The following TRAPPC10 variants were observed in gnomAD, a reference collection of about 807,000 sequenced individuals.
The protein encoded by TRAPPC10 is trafficking protein particle complex subunit 10.
TRAPPC10 carries 23 observed loss-of-function variants against 125.5 expected under a neutral mutation model. The observed-to-expected ratio is 0.18, with a 90% confidence interval of 0.13 to 0.26. The LOEUF is 0.26. Among genes scored for constraint, TRAPPC10 ranks in the 10% least tolerant of loss-of-function variants. TRAPPC10 has a pLI of 1.00. For synonymous variants in TRAPPC10, 509 were observed against 518.0 expected (o/e 0.98, Z 0.24); for missense variants, 1,123 against 1,308.4 (o/e 0.86, Z 2.19).
At position 44,087,629 on chromosome 21, in the gene TRAPPC10, C is replaced by T. The variant is rs2038232907; in HGVS notation, c.2540-70C>T. 7.0e-7 allele frequency: 1 copy of T among 1,425,586 alleles called. No individual in the cohort carries two copies. The highest frequency in any genetic ancestry group is 1.7e-5 in the Admixed American group (1 of 58,660). 88.3% of individuals were successfully genotyped at this position (1,425,586 alleles called of 1,614,324 possible). On this transcript the variant is annotated intron_variant, in intron 16 of 22. Coordinates refer to ENST00000291574, the MANE Select transcript of TRAPPC10 (RefSeq NM_003274.5). This position sits in a 1 kb window ranked among gnomAD's most constrained non-coding sequence, Gnocchi z 4.6. ...CAGTGGCCTCACTGCTGGGCCATCA[C>T]CTGCTGTAAGGAAAAGGACAAGTGA...
At chr21:44,068,680 A>G (rs1424307995) in intron 7 of TRAPPC10, among the ~76,000 whole-genome samples, 1 of 152,048 alleles carries the variant, frequency 6.6e-6, no homozygotes, top group African/African-American at 2.4e-5. Flanking sequence ...GGCTCATTGT[A>G]GCCTCCGCCT....
chr21:44,084,085 G>C, intron 14 of TRAPPC10, 37 bp from the exon 15 acceptor site: 1 of 1,612,356 alleles, frequency 6.2e-7, no homozygotes, highest in Non-Finnish European at 8.5e-7. Flanking sequence ...GCAAAACTGG[G>C]TGACGTGGTT....
At chr21:44,016,042 GTA>G (rs2147113025) in intron 1 of TRAPPC10, among the ~76,000 whole-genome samples, 1 of 152,218 alleles carries the variant, frequency 6.6e-6, no homozygotes, top group East Asian at 1.9e-4. Flanking sequence ...ACTGAAGAGT[GTA>G]TGTGAAATGT....
At chr21:44,028,109 T>C (rs1469387522) in intron 1 of TRAPPC10, among the ~76,000 whole-genome samples, 1 of 152,206 alleles carries the variant, frequency 6.6e-6, no homozygotes, top group Non-Finnish European at 1.5e-5. Flanking sequence ...GTGTTTCTTA[T>C]TTGCTTTGAA....
At chr21:44,054,919 T>G (rs916366128) in intron 4 of TRAPPC10, among the ~76,000 whole-genome samples, 3 of 152,134 alleles carry the variant, frequency 2.0e-5, no homozygotes, top group Non-Finnish European at 2.9e-5. Flanking sequence ...GTGGAAGGAA[T>G]GTTCTCATGA....
rs577569754 is a variant in TRAPPC10 at position 44,087,741 on chromosome 21, A to G, written c.2582A>G (p.Lys861Arg). 5.0e-6 allele frequency: 8 copies of G among 1,614,190 alleles called. No homozygotes were observed. In the East Asian group the frequency reaches 1.8e-4, roughly 36 times the overall value. Reference sequence around the variant, plus strand: ...GCGCTCCGGATTCAGTCCTCCGACAAGGTCACGAGCATCAGTCTGCCTGTT... The same window carrying G: ...GCGCTCCGGATTCAGTCCTCCGACAGGGTCACGAGCATCAGTCTGCCTGTT... ...EAALRIQSSD[K>R]VTSISLPVAP... The change falls in exon 17 of 23, where the codon AAG becomes AGG. Residue 861 changes from lysine (K) to arginine (R), a missense_variant. Lys to Arg is a conservative substitution (Grantham distance 26). Around this residue, in one of 4 missense-constraint regions of TRAPPC10, gnomAD observed 840 missense variants for 902.0 expected, o/e 0.93. Transcript: ENST00000291574. The surrounding 1 kb of genome is among the most constrained non-coding windows in gnomAD (Gnocchi z 4.6).
intron 11 of TRAPPC10, among the ~76,000 whole-genome samples, chr21:44,079,014 T>A (rs1569204183): frequency 6.6e-6 from 1 of 152,212 alleles, no homozygotes; most frequent in African/African-American, 2.4e-5. Flanking sequence ...TCTCCGGCGT[T>A]CTCTGGAAGC....
chr21:44,038,689 T>G (rs539328967), intron 3 of TRAPPC10, among the ~76,000 whole-genome samples: 1 of 151,926 alleles, frequency 6.6e-6, no homozygotes, highest in East Asian at 1.9e-4. Flanking sequence ...AAAGCAAGAT[T>G]TAGCAGCATA....
intron 5 of TRAPPC10, among the ~76,000 whole-genome samples, chr21:44,057,275 A>G (rs13047030): frequency 0.23 from 34,506 of 151,766 alleles, 4,367 homozygotes; most frequent in African/African-American, 0.34. Context: ...ATTTAACACT[A>G]CTGAGCTGTA....
At chr21:44,075,647 G>A (rs1221800624) in intron 9 of TRAPPC10, among the ~76,000 whole-genome samples, 1 of 152,082 alleles carries the variant, frequency 6.6e-6, no homozygotes, top group African/African-American at 2.4e-5. Context: ...TACCATACTT[G>A]GCTAATTTTT....
chr21:44,017,463 A>G (rs951489855), intron 1 of TRAPPC10, among the ~76,000 whole-genome samples: 5 of 152,136 alleles, frequency 3.3e-5, no homozygotes, highest in Non-Finnish European at 5.9e-5. Context: ...TCTGTTCACA[A>G]TGCTTTTAGT....
chr21:44,086,929 G>A lies in TRAPPC10; in HGVS notation c.2508G>A (p.Glu836=). 6.2e-7 allele frequency: 1 copy of A among 1,614,202 alleles called. No homozygotes were observed. The highest frequency in any genetic ancestry group is 2.2e-5 in the East Asian group (1 of 44,886). ...CCATGCTCATCCTGTGCCAGGCGGA[G>A]AGCAGGGCTGTGGTCTACTCCAACA... The part of the protein sequence containing the change: ...AEAMLILCQA[E]SRAVVYSNTR... The change falls in exon 16 of 23, where the codon GAG becomes GAA. Residue 836 remains glutamate, a synonymous_variant. Transcript: ENST00000291574.
chr21:44,070,780 G>C (rs1162772322), intron 7 of TRAPPC10, among the ~76,000 whole-genome samples: 2 of 152,192 alleles, frequency 1.3e-5, no homozygotes, highest in Non-Finnish European at 2.9e-5. Flanking sequence ...GGCACTCTCT[G>C]TCCCCTTCCC....
intron 3 of TRAPPC10, among the ~76,000 whole-genome samples, chr21:44,049,301 A>T (rs1396511705): frequency 6.6e-6 from 1 of 152,002 alleles, no homozygotes; most frequent in Non-Finnish European, 1.5e-5. Context: ...CCTCCCTTCT[A>T]TGTTTGTAAC....
rs2035866653 is a variant in TRAPPC10 at position 44,059,371 on chromosome 21, GGAAAT to G, written c.790+165_790+169del. 3 of 695,750 alleles carry G rather than the reference GGAAAT, an allele frequency of 4.3e-6. No homozygotes were observed. The highest frequency in any genetic ancestry group is 7.9e-6 in the Non-Finnish European group (3 of 381,458). 43.1% of individuals were successfully genotyped at this position (695,750 alleles called of 1,614,324 possible). On this transcript the variant is annotated intron_variant, in intron 6 of 22. Coordinates refer to ENST00000291574, the MANE Select transcript of TRAPPC10 (RefSeq NM_003274.5). This position sits in a 1 kb window ranked among gnomAD's most constrained non-coding sequence, Gnocchi z 4.4. ...CGGATATATTCTCGTGATTCCTAGA[GGAAAT>G]GAAATGAGAATTAAGAATTAGTCAT...
At chr21:44,043,175 A>C (rs1168998559) in intron 3 of TRAPPC10, among the ~76,000 whole-genome samples, 2 of 144,092 alleles carry the variant, frequency 1.4e-5, no homozygotes, top group African/African-American at 5.1e-5. Context: ...ATCATTGTCT[A>C]TCCTGTGCCA....
At chr21:44,041,395 C>T (rs1483159970) in intron 3 of TRAPPC10, among the ~76,000 whole-genome samples, 2 of 149,426 alleles carry the variant, frequency 1.3e-5, no homozygotes, top group African/African-American at 4.9e-5. Context: ...TTTTTTTTTG[C>T]GATGGAGTTT....
At chr21:44,033,603 G>A (rs2033760850) in intron 2 of TRAPPC10, among the ~76,000 whole-genome samples, 1 of 152,226 alleles carries the variant, frequency 6.6e-6, no homozygotes, top group African/African-American at 2.4e-5. Flanking sequence ...GCTCACGCCT[G>A]TCATCCAGAC....
At chr21:44,020,613 G>A (rs968167078) in intron 1 of TRAPPC10, among the ~76,000 whole-genome samples, 2 of 151,862 alleles carry the variant, frequency 1.3e-5, no homozygotes, top group Non-Finnish European at 2.9e-5. Flanking sequence ...CAGTCTGGGC[G>A]ACAGAGTGAG....
Sources: gnomAD v4.1 joint callset for allele counts (sites outside exome capture counted in the v4.1 genomes callset) on GRCh38, gnomAD v4.1.1 for gene constraint, gnomAD v4.1.1 regional missense constraint, Gnocchi (gnomAD v3.1) non-coding constraint, MANE v1.5 for transcripts, NCBI Gene and HGNC (gene_info 2026-07-23, HGNC 2026-07-21) for gene names.